SH3RF3: variants seen among roughly 807,000 people sequenced by gnomAD.
The protein encoded by SH3RF3 is SH3 domain containing ring finger 3.
A neutral mutation model predicts 66.3 loss-of-function variants in SH3RF3; 29 were observed. That is an observed-to-expected ratio of 0.44 (90% CI 0.33 to 0.60). The LOEUF is 0.60. Ranked by LOEUF, SH3RF3 falls within the 20% of genes least tolerant of loss-of-function variation. The pLI is 0.04. For synonymous variants in SH3RF3, 583 were observed against 532.0 expected, an observed-to-expected ratio of 1.10 and a Z score of -1.32; for missense variants, 1,194 against 1,190.9, an observed-to-expected ratio of 1.00 and a Z score of -0.04.
chr2:109,438,914 G>T (rs754015008), intron 7 of SH3RF3, among the ~76,000 whole-genome samples: 1 of 152,150 alleles, frequency 6.6e-6, no homozygotes, highest in South Asian at 2.1e-4. Context: ...CAATCAGCCC[G>T]GTGTTCTGTA....
At chr2:109,163,744 A>G (rs943752803) in intron 1 of SH3RF3, among the ~76,000 whole-genome samples, 2 of 152,186 alleles carry the variant, frequency 1.3e-5, no homozygotes, top group Non-Finnish European at 2.9e-5. Context: ...ACAGTGAGTA[A>G]CTGGAATCGC....
At chr2:109,441,398 G>A (rs751714009) in intron 7 of SH3RF3, among the ~76,000 whole-genome samples, 1 of 152,130 alleles carries the variant, frequency 6.6e-6, no homozygotes, top group African/African-American at 2.4e-5. Context: ...TACAGTGTGT[G>A]AGATCAAGAA....
At chr2:109,453,656 CAG>C (rs1193721293) in intron 8 of SH3RF3, among the ~76,000 whole-genome samples, 1 of 152,214 alleles carries the variant, frequency 6.6e-6, no homozygotes, top group African/African-American at 2.4e-5. Context: ...ATGTACCTGG[CAG>C]AGCGCAGGCA....
At chr2:109,187,690 C>T (rs997152829) in intron 1 of SH3RF3, among the ~76,000 whole-genome samples, 1 of 152,154 alleles carries the variant, frequency 6.6e-6, no homozygotes, top group Non-Finnish European at 1.5e-5. Context: ...ATGATGTCAC[C>T]CAAGGACTCA....
chr2:109,384,350 G>A (rs1438334676), intron 3 of SH3RF3, among the ~76,000 whole-genome samples: 2 of 152,184 alleles, frequency 1.3e-5, no homozygotes, highest in East Asian at 1.9e-4. Context: ...AAGGACCTGG[G>A]AGGAGGGAAC....
chr2:109,289,866 C>T (rs1211073921), intron 1 of SH3RF3, among the ~76,000 whole-genome samples: 1 of 152,072 alleles, frequency 6.6e-6, no homozygotes, highest in Non-Finnish European at 1.5e-5. Context: ...TATTGTGTAT[C>T]GCATTGCGGG....
At chr2:109,365,063 C>G (rs1683129727) in intron 2 of SH3RF3, among the ~76,000 whole-genome samples, 1 of 152,014 alleles carries the variant, frequency 6.6e-6, no homozygotes, top group African/African-American at 2.4e-5. Flanking sequence ...AACAAACAAA[C>G]AAACAAACAA....
intron 8 of SH3RF3, among the ~76,000 whole-genome samples, chr2:109,477,057 C>T (rs1274726517): frequency 3.9e-5 from 6 of 152,188 alleles, no homozygotes; most frequent in Non-Finnish European, 7.3e-5. Flanking sequence ...ACTTAGAATG[C>T]CTTAACTGTC....
In SH3RF3 at chr2:109,130,255, C is replaced by G. The variant is rs1243678386; in HGVS notation, c.573+142C>G. The G allele has an allele frequency of 6.0e-6, 5 of 836,806 alleles. No homozygotes were observed. In the African/African-American group the frequency reaches 8.9e-5, roughly 15 times the overall value. The allele number at this position is 836,806 out of a possible 1,614,324, so 51.8% of individuals were successfully genotyped here. A position where few individuals can be genotyped will look rare whatever the true frequency, so the allele number is the denominator to read the frequency against. The stretch of plus-strand genomic sequence containing the variant: ...CACTCCGCTGTTGCTCTTCCTCCAA[C>G]TTCGCTTGCTTGGTGGCGGCATCCG... On this transcript the variant is annotated intron_variant, in intron 1 of 9. Transcript: ENST00000309415.
At chr2:109,482,693 GC>G (rs1559107179) in intron 8 of SH3RF3, among the ~76,000 whole-genome samples, 1 of 152,192 alleles carries the variant, frequency 6.6e-6, no homozygotes, top group Non-Finnish European at 1.5e-5. Context: ...GAACAAGGAT[GC>G]CCTCAGCTCC....
chr2:109,359,749 A>G (rs776389155), intron 2 of SH3RF3, among the ~76,000 whole-genome samples: 23 of 152,180 alleles, frequency 1.5e-4, no homozygotes, highest in Admixed American at 2.6e-4. Context: ...ATGAAGGCAC[A>G]CAACACACAG....
At chr2:109,316,628 C>T (rs1179329863) in intron 1 of SH3RF3, among the ~76,000 whole-genome samples, 7 of 152,198 alleles carry the variant, frequency 4.6e-5, no homozygotes, top group African/African-American at 1.7e-4. Flanking sequence ...TCCTGCCCCG[C>T]CCCCATGTGC....
At chr2:109,288,653 T>A (rs1280271549) in intron 1 of SH3RF3, among the ~76,000 whole-genome samples, 4 of 152,214 alleles carry the variant, frequency 2.6e-5, no homozygotes, top group African/African-American at 9.7e-5. Flanking sequence ...GAGACTGACT[T>A]CTTTTCACTC....
At chr2:109,452,862 GGGAGGCTGGTGCCAGGAGGCTGGTCCCA>G (rs1559091540) in intron 8 of SH3RF3, among the ~76,000 whole-genome samples, 1 of 148,454 alleles carries the variant, frequency 6.7e-6, no homozygotes, top group Non-Finnish European at 1.5e-5. Flanking sequence ...GGCTGGTCCC[GGGAGGCTGGTGCCAGGAGGCTGGTCCCA>G]GGAGGCTGGT....
chr2:109,214,658 T>TG (rs1679067770), intron 1 of SH3RF3, among the ~76,000 whole-genome samples: 1 of 152,110 alleles, frequency 6.6e-6, no homozygotes, highest in Non-Finnish European at 1.5e-5. Flanking sequence ...CTGACACTCT[T>TG]GCTGGCATCT....
At chr2:109,442,414 A>G (rs993905129) in intron 7 of SH3RF3, among the ~76,000 whole-genome samples, 10 of 152,178 alleles carry the variant, frequency 6.6e-5, no homozygotes, top group African/African-American at 2.4e-4. Context: ...ATCTATACAA[A>G]GGAATGAAAA....
chr2:109,324,236 C>T (rs1382151779), intron 1 of SH3RF3, among the ~76,000 whole-genome samples: 2 of 152,184 alleles, frequency 1.3e-5, no homozygotes, highest in Non-Finnish European at 2.9e-5. Flanking sequence ...GATGTTCTCA[C>T]TTTTTCACCA....
intron 9 of SH3RF3, among the ~76,000 whole-genome samples, chr2:109,493,091 AACATAC>A (rs1236015029): frequency 8.6e-5 from 10 of 116,144 alleles, no homozygotes; most frequent in Non-Finnish European, 1.5e-4. Flanking sequence ...CATACATACA[AACATAC>A]ACATACACCA....
intron 1 of SH3RF3, among the ~76,000 whole-genome samples, chr2:109,315,599 CTG>C (rs1448897699): frequency 6.6e-6 from 1 of 152,246 alleles, no homozygotes; most frequent in Non-Finnish European, 1.5e-5. Flanking sequence ...CTTTCAGAAA[CTG>C]TCAGTGATGC....
Sources: gnomAD v4.1 joint callset for allele counts (sites outside exome capture counted in the v4.1 genomes callset) on GRCh38, gnomAD v4.1.1 for gene constraint, MANE v1.5 for transcripts, NCBI Gene and HGNC (gene_info 2026-07-23, HGNC 2026-07-21) for gene names.